The following RFTN1 variants were observed in gnomAD, a reference collection of about 807,000 sequenced individuals.
RFTN1 encodes raftlin.
Under a neutral mutation model 46.5 loss-of-function variants are expected in RFTN1, and 26 were observed. That is an observed-to-expected ratio of 0.56 (90% confidence interval 0.41 to 0.78). The LOEUF is 0.78. Ranked by LOEUF, RFTN1 falls within the 30% of genes least tolerant of loss-of-function variation. RFTN1 has a pLI of 0.00. For synonymous variants in RFTN1, 261 were observed against 284.2 expected, an observed-to-expected ratio of 0.92 and a Z score of 0.82; for missense variants, 693 against 718.7, an observed-to-expected ratio of 0.96 and a Z score of 0.41.
rs57242614 is a variant in RFTN1, at chr3:16,443,750, A to AACAC, written c.146-9717_146-9714dup. ...CACACATAGTCAATGAATTACACAC[A>AACAC]ACACACACACACACACACACACACA... On this transcript the variant is annotated intron_variant, in intron 2 of 9. Transcript: ENST00000334133. The surrounding 1 kb of genome is among the most constrained non-coding windows in gnomAD (Gnocchi z 5.5). Among the ~76,000 whole-genome samples, 3,970 of 145,970 alleles carry AACAC rather than the reference A, an allele frequency of 0.027. 59 individuals are homozygous for AACAC. Among genetic ancestry groups the AACAC allele is most frequent in the African/African-American group, 0.037 (1,475 of 39,898 alleles).
chr3:16,408,476 G>A (rs2074913630), intron 4 of RFTN1, among the ~76,000 whole-genome samples: 1 of 149,924 alleles, frequency 6.7e-6, no homozygotes, highest in African/African-American at 2.5e-5. Context: ...TCGATTACTA[G>A]GGAACACTGG....
chr3:16,399,660 G>A lies in RFTN1; in HGVS notation c.441+9715C>T, dbSNP rs62236333. 7.2e-4 allele frequency among the ~76,000 whole-genome samples: 109 copies of A among 152,180 alleles called. No individual in the cohort carries two copies. The Middle Eastern group carries it at 0.017, about 24-fold the overall frequency. Reference sequence around the variant, plus strand: ...TCACACCCTCCCCTCCTTCCTGGGCGATTTCATCCATGACCGTGGTTTCAG... The same window carrying A: ...TCACACCCTCCCCTCCTTCCTGGGCAATTTCATCCATGACCGTGGTTTCAG... On this transcript the variant is annotated intron_variant, in intron 4 of 9. Coordinates refer to ENST00000334133, the MANE Select transcript of RFTN1 (RefSeq NM_015150.2).
intron 3 of RFTN1, among the ~76,000 whole-genome samples, chr3:16,412,361 G>A (rs2074995397): frequency 6.6e-6 from 1 of 152,236 alleles, no homozygotes; most frequent in Non-Finnish European, 1.5e-5. Context: ...CAGCCTTGAA[G>A]TCAGCACTCT....
Position 16,415,918 on chromosome 3 carries a change from T to A in RFTN1, c.333-6435A>T, listed in dbSNP as rs555088490. 2.6e-5 allele frequency among the ~76,000 whole-genome samples: 4 copies of A among 152,312 alleles called. No homozygotes were observed. In the East Asian group the frequency reaches 7.7e-4, roughly 29 times the overall value. Reference sequence around the variant, plus strand: ...CTGTTAATCTGTTTATCTGTTTATATGATTATCTGGCAGATAATCATATAA... The same window carrying A: ...CTGTTAATCTGTTTATCTGTTTATAAGATTATCTGGCAGATAATCATATAA... On this transcript the variant is annotated intron_variant, in intron 3 of 9. Transcript: ENST00000334133.
chr3:16,366,736 G>A (rs2073202028), intron 6 of RFTN1, among the ~76,000 whole-genome samples: 1 of 152,200 alleles, frequency 6.6e-6, no homozygotes, highest in South Asian at 2.1e-4. Context: ...CTACTTCACT[G>A]AGGTATTGTG....
chr3:16,347,984 A>G (rs1187124318), intron 7 of RFTN1: 2 of 152,210 alleles, frequency 1.3e-5, no homozygotes, highest in African/African-American at 2.4e-5. Context: ...AATTTTAAGA[A>G]CATCCCGTGA....
intron 4 of RFTN1, 43 bp from the exon 5 acceptor site, chr3:16,378,145 GT>G (rs2073851383): frequency 6.5e-7 from 1 of 1,547,304 alleles, no homozygotes; most frequent in Non-Finnish European, 8.9e-7. Flanking sequence ...GAATGAAATG[GT>G]CTATCAAAGG....
At chr3:16,508,966 C>T (rs552576278) in intron 1 of RFTN1, among the ~76,000 whole-genome samples, 18 of 152,284 alleles carry the variant, frequency 1.2e-4, no homozygotes, top group East Asian at 9.6e-4. Context: ...GTGAGTGAGA[C>T]GGAAGGACTG....
In RFTN1 at chr3:16,381,300, G is replaced by A. The variant is rs187624825; in HGVS notation, c.442-3198C>T. Among the ~76,000 whole-genome samples, 111 of 152,220 alleles carry A rather than the reference G, an allele frequency of 7.3e-4. No individual in the cohort carries two copies. Among genetic ancestry groups the A allele is most frequent in the Non-Finnish European group, 1.3e-3 (86 of 68,024 alleles). ...GTAATTTTCAAAATTTACTTAAGGGGCATGGATGTTACTTTTAGAATTGAA... is the reference window on the plus strand; with the variant it reads ...GTAATTTTCAAAATTTACTTAAGGGACATGGATGTTACTTTTAGAATTGAA... On this transcript the variant is annotated intron_variant, in intron 4 of 9. Transcript: ENST00000334133. This position sits in a 1 kb window ranked among gnomAD's most constrained non-coding sequence, Gnocchi z 4.2.
rs757392831 is a variant in RFTN1 at position 16,327,778 on chromosome 3, C to T, written c.1147-902G>A. ...TCCCATCTCAAAAAAAAAAACAAAA[C>T]GAAAAAAACTTCAGCCCCCTGCTAG... On this transcript the variant is annotated intron_variant, in intron 7 of 9. Coordinates refer to ENST00000334133, the MANE Select transcript of RFTN1 (RefSeq NM_015150.2). The surrounding 1 kb of genome is among the most constrained non-coding windows in gnomAD (Gnocchi z 4.2). Among the ~76,000 whole-genome samples the T allele has an allele frequency of 3.3e-5, 5 of 151,398 alleles. No individual in the cohort carries two copies. In the South Asian group the frequency reaches 6.3e-4, roughly 19 times the overall value.
chr3:16,378,194 C>A, intron 4 of RFTN1, 92 bp from the exon 5 acceptor site: 2 of 1,131,338 alleles, frequency 1.8e-6, no homozygotes, highest in Non-Finnish European at 2.6e-6. Context: ...CCGAGGCCTG[C>A]GAGGCTGTTT....
At chr3:16,423,400 G>A (rs963011614) in intron 3 of RFTN1, among the ~76,000 whole-genome samples, 2 of 152,124 alleles carry the variant, frequency 1.3e-5, no homozygotes, top group African/African-American at 2.4e-5. Context: ...AATGTCAATA[G>A]TACCAAGGCT....
chr3:16,438,585 CAAAAAAAAAAAAAAAAAAAAA>C (rs61019061), intron 2 of RFTN1, among the ~76,000 whole-genome samples: 21 of 30,474 alleles, frequency 6.9e-4, no homozygotes, highest in East Asian at 2.6e-3. Context: ...AACTCTGTCT[CAAAAAAAAAAAAAAAAAAAAA>C]AAAAAAAAAA....
At chr3:16,406,053 T>A (rs1288040295) in intron 4 of RFTN1, among the ~76,000 whole-genome samples, 1 of 152,232 alleles carries the variant, frequency 6.6e-6, no homozygotes, top group Non-Finnish European at 1.5e-5. Flanking sequence ...AAATGGTTTT[T>A]AGCATACTTC....
intron 4 of RFTN1, among the ~76,000 whole-genome samples, chr3:16,408,646 T>C (rs1288770449): frequency 2.1e-5 from 3 of 139,638 alleles, no homozygotes. Flanking sequence ...ATTCTCTGTA[T>C]CCCAACATCT....
Position 16,483,573 on chromosome 3 carries a change from T to G in RFTN1, c.145+10152A>C, listed in dbSNP as rs577497072. 1.3e-5 allele frequency among the ~76,000 whole-genome samples: 2 copies of G among 152,288 alleles called. No homozygotes were observed. Among genetic ancestry groups the G allele is most frequent in the Admixed American group, 1.3e-4 (2 of 15,296 alleles). Reference sequence around the variant, plus strand: ...TTTTTAAACAAACTTTGAGAATCATTGTGTCACCTTGTATCCTTATTTTTA... The same window carrying G: ...TTTTTAAACAAACTTTGAGAATCATGGTGTCACCTTGTATCCTTATTTTTA... On this transcript the variant is annotated intron_variant, in intron 2 of 9. Coordinates refer to ENST00000334133, the MANE Select transcript of RFTN1 (RefSeq NM_015150.2). This position sits in a 1 kb window ranked among gnomAD's most constrained non-coding sequence, Gnocchi z 4.8.
rs756663832 is a variant in RFTN1, at chr3:16,370,182, G to A, written c.924C>T (p.Gly308=). ...VTIPLHVSKN[G]QTVSGLDANW... ...TGGCGTCCAAACCGCTCACTGTCTG[G>A]CCATTCTTGGAGACATGGAGAGGAA... Residue 308 remains glycine (G), a synonymous_variant, in exon 6 of 10, where the codon GGC becomes GGT. Coordinates refer to ENST00000334133, the MANE Select transcript of RFTN1 (RefSeq NM_015150.2). This position sits in a 1 kb window ranked among gnomAD's most constrained non-coding sequence, Gnocchi z 5.5. 15 of 1,614,062 alleles carry A rather than the reference G, an allele frequency of 9.3e-6. No homozygotes were observed. Among genetic ancestry groups the A allele is most frequent in the Non-Finnish European group, 1.1e-5 (13 of 1,180,034 alleles).
rs150941338 is a variant in RFTN1 at position 16,509,663 on chromosome 3, T to C, written c.-9+3779A>G. Among the ~76,000 whole-genome samples the C allele has an allele frequency of 3.0e-4, 45 of 152,320 alleles. No individual in the cohort carries two copies. Among genetic ancestry groups the C allele is most frequent in the African/African-American group, 9.4e-4 (39 of 41,564 alleles). On this transcript the variant is annotated intron_variant, in intron 1 of 9. Transcript: ENST00000334133. The surrounding 1 kb of genome is among the most constrained non-coding windows in gnomAD (Gnocchi z 4.9). ...TTCCTAGGCCCAAACCCTTTGAATG[T>C]GTTTTCCAAGCCATGGTAAAGTGCC...
In RFTN1 at chr3:16,428,784, A is replaced by G. The variant is rs2075332712; in HGVS notation, c.332+5067T>C. On this transcript the variant is annotated intron_variant, in intron 3 of 9. Coordinates refer to ENST00000334133, the MANE Select transcript of RFTN1 (RefSeq NM_015150.2). The surrounding 1 kb of genome is among the most constrained non-coding windows in gnomAD (Gnocchi z 4.7). ...TACTGCAGTTACATCTATAACCATA[A>G]AACAACCTAGAATTAAACCCACACT... Among the ~76,000 whole-genome samples the G allele has an allele frequency of 6.6e-6, 1 of 152,220 alleles. No individual in the cohort carries two copies.
Sources: allele counts gnomAD v4.1 joint callset (sites outside exome capture counted in the v4.1 genomes callset), GRCh38; gene constraint gnomAD v4.1.1; non-coding constraint Gnocchi (gnomAD v3.1); transcripts MANE v1.5; gene names NCBI Gene and HGNC (gene_info 2026-07-23, HGNC 2026-07-21).